Variants in SCNN1B observed in about 807,000 individuals in gnomAD.
The protein encoded by SCNN1B is sodium channel epithelial 1 subunit beta.
A neutral mutation model predicts 65.3 loss-of-function variants in SCNN1B; 46 were observed. The observed-to-expected ratio is 0.70, with a 90% CI of 0.56 to 0.90. The LOEUF (loss-of-function observed/expected upper bound fraction) is 0.90, where lower values mean the gene tolerates loss of function less well. Ranked by LOEUF, SCNN1B falls within the 40% of genes least tolerant of loss-of-function variation. SCNN1B has a pLI of 0.00. For synonymous variants in SCNN1B, 349 were observed against 330.6 expected (o/e 1.06, Z -0.60); for missense variants, 751 against 830.5 (o/e 0.90, Z 1.18).
chr16:23,278,572 G>C (rs1960737606), intron 1 of SCNN1B, among the ~76,000 whole-genome samples: 1 of 152,148 alleles, frequency 6.6e-6, no homozygotes, highest in East Asian at 1.9e-4. Context: ...TGGGAGACGG[G>C]AGGGGGGTAA....
At chr16:23,312,574 A>T (rs1380305174) in intron 1 of SCNN1B, among the ~76,000 whole-genome samples, 1 of 152,038 alleles carries the variant, frequency 6.6e-6, no homozygotes, top group Non-Finnish European at 1.5e-5. Context: ...CTGCTTGGAG[A>T]AGGGATGAGG....
intron 1 of SCNN1B, among the ~76,000 whole-genome samples, chr16:23,308,687 T>G (rs1961273245): frequency 6.6e-6 from 1 of 152,170 alleles, no homozygotes; most frequent in African/African-American, 2.4e-5. Flanking sequence ...CAGACTGGAG[T>G]GCAGTGGCAC....
At chr16:23,294,394 C>CT (rs1960966427) in intron 2 of SCNN1B, among the ~76,000 whole-genome samples, 1 of 151,936 alleles carries the variant, frequency 6.6e-6, no homozygotes, top group Non-Finnish European at 1.5e-5. Flanking sequence ...GAGACCCTGT[C>CT]TCAAAAAACA....
chr16:23,302,376 C>A lies in SCNN1B; in HGVS notation c.-70C>A, dbSNP rs372636726. ...CCGCCGCCGCCAGCTTGGCGCGCAC[C>A]GCCGCCTCCGCCACCGCCGACAGCG... On this transcript the variant is annotated 5_prime_UTR_variant, in exon 1 of 13. Transcript: ENST00000343070. 1 of 160,676 alleles carries A rather than the reference C, an allele frequency of 6.2e-6. No individual in the cohort carries two copies. The highest frequency in any genetic ancestry group is 1.7e-4 in the South Asian group (1 of 5,724). The allele number at this position is 160,676 out of a possible 1,614,324, so 10.0% of individuals were successfully genotyped here. A position where few individuals can be genotyped will look rare whatever the true frequency, so the allele number is the denominator to read the frequency against.
intron 2 of SCNN1B, among the ~76,000 whole-genome samples, chr16:23,295,831 C>T (rs1242629587): frequency 6.6e-6 from 1 of 152,184 alleles, no homozygotes; most frequent in East Asian, 1.9e-4. Flanking sequence ...CCAGATGCAG[C>T]TGAAAACCTG....
chr16:23,330,712 A>G (rs1961793808), intron 1 of SCNN1B, among the ~76,000 whole-genome samples: 1 of 152,156 alleles, frequency 6.6e-6, no homozygotes, highest in Non-Finnish European at 1.5e-5. Context: ...AGTTGGGACT[A>G]GAGTCATGTG....
At chr16:23,342,505 C>A (rs1962073431) in intron 1 of SCNN1B, among the ~76,000 whole-genome samples, 1 of 152,206 alleles carries the variant, frequency 6.6e-6, no homozygotes. Context: ...CCTCACCCTC[C>A]CAAATTGCTG....
chr16:23,380,958 C>G lies in SCNN1B; in HGVS notation c.*157C>G. The G allele has an allele frequency of 1.3e-6, 1 of 787,134 alleles. No individual in the cohort carries two copies. Among genetic ancestry groups the G allele is most frequent in the South Asian group, 1.4e-5 (1 of 70,420 alleles). 48.8% of individuals were successfully genotyped at this position (787,134 alleles called of 1,614,324 possible). ...ACAGAGAGGCCAGCGGCAACTGGTC[C>G]GTTACTGGCCAAGGGCTCTGTAGAA... On this transcript the variant is annotated 3_prime_UTR_variant, in exon 13 of 13. Transcript: ENST00000343070. This position sits in a 1 kb window ranked among gnomAD's most constrained non-coding sequence, Gnocchi z 5.4.
At chr16:23,353,195 T>C in intron 3 of SCNN1B, 121 bp downstream of exon 3, 5 of 1,217,474 alleles carry the variant, frequency 4.1e-6, no homozygotes, top group Non-Finnish European at 3.5e-6. Context: ...CCAGAGCCTG[T>C]TTTGCTTGTT....
intron 1 of SCNN1B, among the ~76,000 whole-genome samples, chr16:23,313,405 C>A (rs1961384808): frequency 1.3e-5 from 2 of 152,124 alleles, no homozygotes; most frequent in Admixed American, 6.5e-5. Flanking sequence ...TCCTGAAGAC[C>A]CCTCTACAAA....
At chr16:23,293,310 A>G (rs564989663) in intron 2 of SCNN1B, among the ~76,000 whole-genome samples, 19 of 152,244 alleles carry the variant, frequency 1.2e-4, no homozygotes, top group Admixed American at 9.2e-4. Context: ...TGGTCTCTAC[A>G]CACAATGGAA....
chr16:23,371,662 T>G (rs200146402), intron 6 of SCNN1B, 114 bp from the exon 7 acceptor site: 10 of 618,478 alleles, frequency 1.6e-5, no homozygotes, highest in Middle Eastern at 3.4e-4. Context: ...GCGCCCCCCC[T>G]GGCACCTGCA....
At chr16:23,336,205 G>A (rs1000187012) in intron 1 of SCNN1B, among the ~76,000 whole-genome samples, 2 of 152,060 alleles carry the variant, frequency 1.3e-5, no homozygotes, top group Admixed American at 6.5e-5. Context: ...CTCTAAATTC[G>A]CTGTGTAATG....
chr16:23,304,333 CA>C (rs1961149702), intron 1 of SCNN1B, among the ~76,000 whole-genome samples: 1 of 98,628 alleles, frequency 1.0e-5, no homozygotes, highest in Non-Finnish European at 2.3e-5. Flanking sequence ...ATGAGACATA[CA>C]CACAAGCAAG....
upstream of SCNN1B, among the ~76,000 whole-genome samples, chr16:23,299,059 CT>C (rs552336545): frequency 8.0e-3 from 1,045 of 130,504 alleles, 3 homozygotes; most frequent in African/African-American, 0.018. Context: ...TTTTCTTTTT[CT>C]TTTTTTTTTT....
intron 2 of SCNN1B, among the ~76,000 whole-genome samples, chr16:23,297,093 G>A (rs557780972): frequency 3.9e-4 from 59 of 152,114 alleles, no homozygotes; most frequent in African/African-American, 1.4e-3. Context: ...GAGACCCAGC[G>A]CCTGGGGGCC....
chr16:23,377,905 A>T (rs1446159701), intron 10 of SCNN1B, among the ~76,000 whole-genome samples: 1 of 152,226 alleles, frequency 6.6e-6, no homozygotes, highest in Non-Finnish European at 1.5e-5. Context: ...CCAAGATCAC[A>T]AGCAGAAATA....
At chr16:23,308,385 T>C (rs1207772138) in intron 1 of SCNN1B, among the ~76,000 whole-genome samples, 2 of 151,980 alleles carry the variant, frequency 1.3e-5, no homozygotes, top group African/African-American at 4.8e-5. Flanking sequence ...TATCCAGGCA[T>C]GGTGGTGCAC....
chr16:23,288,014 G>A (rs1042510517), intron 2 of SCNN1B, among the ~76,000 whole-genome samples: 1 of 151,242 alleles, frequency 6.6e-6, no homozygotes, highest in African/African-American at 2.4e-5. Flanking sequence ...AAATTAGCTG[G>A]GCATGGTGGT....
Sources: gnomAD v4.1 joint callset for allele counts (sites outside exome capture counted in the v4.1 genomes callset) on GRCh38, gnomAD v4.1.1 for gene constraint, Gnocchi (gnomAD v3.1) non-coding constraint, MANE v1.5 for transcripts, NCBI Gene and HGNC (gene_info 2026-07-23, HGNC 2026-07-21) for gene names.